Variants in CAPN13 observed in about 807,000 individuals in gnomAD.
The protein encoded by CAPN13 is calpain-13.
CAPN13 carries 90 observed loss-of-function variants against 98.4 expected under a neutral mutation model. The ratio of observed to expected loss-of-function variants is 0.92; its 90% CI spans 0.77 to 1.09. The LOEUF is 1.09. CAPN13 is among the 50% of genes least tolerant of loss of function. The pLI, the probability that CAPN13 is intolerant of heterozygous loss-of-function variation, is 0.00. For synonymous variants in CAPN13, 330 were observed against 305.5 expected, an observed-to-expected ratio of 1.08 and a Z score of -0.84; for missense variants, 887 against 841.3, an observed-to-expected ratio of 1.05 and a Z score of -0.67.
rs1157584218 is a variant in CAPN13, at chr2:30,743,384, T to G, written c.1444A>C (p.Arg482=). The G allele has an allele frequency of 6.2e-7, 1 of 1,612,476 alleles. No individual in the cohort carries two copies. Among genetic ancestry groups the G allele is most frequent in the Non-Finnish European group, 8.5e-7 (1 of 1,178,452 alleles). Residue 482 remains arginine, a splice_region_variant and synonymous_variant, in exon 13 of 23, where the codon AGG becomes CGG. Transcript: ENST00000295055. The part of the protein sequence containing the change: ...RIFLKMPDSD[R]HLSSHFNLRM... ...TTACAATCCCAGAGGGTTCTGTACC[T>G]GTCACTGTCTGGCATTTTCAGGAAG...
Position 30,763,105 on chromosome 2 carries a change from A to G in CAPN13, c.751T>C (p.Tyr251His). The change falls in exon 7 of 23, where the codon TAC becomes CAC. Residue 251 changes from tyrosine (Y) to histidine (H), a missense_variant. Tyr to His is a moderately conservative substitution (Grantham distance 83). Transcript: ENST00000295055. ...MENGLVSLHAYTVTGAEQIQY... is the reference protein window; with the variant it reads ...MENGLVSLHAHTVTGAEQIQY... The stretch of plus-strand genomic sequence containing the variant: ...ACCTGCTCAGCCCCAGTCACAGTGT[A>G]GGCATGGAGACTCACCAGCCCATTC... 6.2e-7 allele frequency: 1 copy of G among 1,610,998 alleles called. No homozygotes were observed. The highest frequency in any genetic ancestry group is 8.5e-7 in the Non-Finnish European group (1 of 1,178,756).
At chr2:30,744,957 G>A (rs1181206559) in intron 12 of CAPN13, among the ~76,000 whole-genome samples, 1 of 152,222 alleles carries the variant, frequency 6.6e-6, no homozygotes, top group Non-Finnish European at 1.5e-5. Flanking sequence ...TAGCTGGGAT[G>A]TCAGGGACCA....
intron 1 of CAPN13, among the ~76,000 whole-genome samples, chr2:30,801,125 G>A (rs1055242324): frequency 2.0e-5 from 3 of 152,144 alleles, no homozygotes; most frequent in African/African-American, 4.8e-5. Context: ...GTACTCCCCA[G>A]GCAGACCCTC....
intron 20 of CAPN13, among the ~76,000 whole-genome samples, chr2:30,731,864 G>A (rs1000960210): frequency 1.8e-4 from 28 of 152,204 alleles, no homozygotes; most frequent in Non-Finnish European, 2.6e-4. Flanking sequence ...CTTTGCAGCA[G>A]TGCCTCGTGG....
chr2:30,734,689 G>A (rs1451507605), intron 18 of CAPN13, among the ~76,000 whole-genome samples, 165 bp from the exon 19 acceptor site: 1 of 152,164 alleles, frequency 6.6e-6, no homozygotes, highest in Non-Finnish European at 1.5e-5. Context: ...GACCATCCTG[G>A]CTGCCCGCTG....
intron 2 of CAPN13, among the ~76,000 whole-genome samples, chr2:30,785,986 A>G (rs1222136470): frequency 1.3e-5 from 2 of 151,854 alleles, no homozygotes; most frequent in African/African-American, 4.8e-5. Context: ...CTGATCCCTA[A>G]CCCTTCCCTT....
intron 19 of CAPN13, among the ~76,000 whole-genome samples, chr2:30,733,869 A>G (rs912509595): frequency 6.6e-6 from 1 of 152,226 alleles, no homozygotes; most frequent in African/African-American, 2.4e-5. Flanking sequence ...AGTAGAGGTA[A>G]TGATTCCTGC....
chr2:30,785,288 T>C (rs978095905), intron 2 of CAPN13, among the ~76,000 whole-genome samples: 2 of 152,178 alleles, frequency 1.3e-5, no homozygotes, highest in African/African-American at 4.8e-5. Context: ...ATATTACCTG[T>C]CTGAACATCA....
chr2:30,796,181 T>TACACACAC, intron 1 of CAPN13, among the ~76,000 whole-genome samples: 1 of 146,226 alleles, frequency 6.8e-6, no homozygotes, highest in African/African-American at 2.6e-5. Context: ...TGTATATATA[T>TACACACAC]ATACATATAT....
chr2:30,728,029 C>T (rs768531124), intron 22 of CAPN13, among the ~76,000 whole-genome samples: 16 of 151,738 alleles, frequency 1.1e-4, no homozygotes, highest in South Asian at 2.1e-4. Flanking sequence ...GACAGCATTA[C>T]GCTAAGTGAA....
chr2:30,732,712 T>C, intron 19 of CAPN13, 146 bp from the exon 20 acceptor site: 2 of 1,131,184 alleles, frequency 1.8e-6, no homozygotes, highest in Non-Finnish European at 2.5e-6. Flanking sequence ...GTGTCTTCTC[T>C]TTCCTGTTGG....
chr2:30,794,398 A>G (rs1403921292), intron 1 of CAPN13, among the ~76,000 whole-genome samples: 3 of 151,932 alleles, frequency 2.0e-5, no homozygotes, highest in African/African-American at 7.2e-5. Flanking sequence ...AAGACTGATC[A>G]CACTGTTTAT....
rs746990212 is a variant in CAPN13, at chr2:30,764,318, T to G, written c.525-12A>C. The G allele has an allele frequency of 2.0e-5, 33 of 1,612,416 alleles. No homozygotes were observed. The highest frequency in any genetic ancestry group is 2.7e-5 in the Non-Finnish European group (32 of 1,179,370). On this transcript the variant is annotated splice_polypyrimidine_tract_variant and intron_variant, in intron 5 of 22. Transcript: ENST00000295055. ...AGGATCCGAGCAGCCTGGGAGGGAA[T>G]GGGGGATGAACCATCGTGGTGCCTT...
intron 1 of CAPN13, among the ~76,000 whole-genome samples, chr2:30,788,884 A>G (rs1033449243): frequency 2.6e-5 from 4 of 152,226 alleles, no homozygotes; most frequent in African/African-American, 9.6e-5. Context: ...CAAGATATGA[A>G]TAATTTACAT....
rs2148073543 is a variant in CAPN13 at position 30,787,169 on chromosome 2, G to A, written c.157C>T (p.Gln53Ter). The A allele has an allele frequency of 1.3e-6, 2 of 1,585,700 alleles. No individual in the cohort carries two copies. The highest frequency in any genetic ancestry group is 1.7e-6 in the Non-Finnish European group (2 of 1,165,588). ...ADSSIGQKLL[Q>*]EKRLSNVIWK... is the part of the protein sequence containing the mutation. ...ATCACATTGGAGAGGCGTTTTTCCT[G>A]GAGCAGCTTCTGGCCTATGGAAGAA... is the stretch of plus-strand genomic sequence containing the variant. Residue 53 changes from glutamine to a stop codon, truncating the protein, a stop_gained, in exon 2 of 23, where the codon CAG (glutamine) becomes TAG (stop). Transcript: ENST00000295055. LOFTEE classifies it high-confidence loss of function.
chr2:30,738,773 G>GT (rs1671509117), intron 15 of CAPN13, among the ~76,000 whole-genome samples: 1 of 152,150 alleles, frequency 6.6e-6, no homozygotes, highest in Admixed American at 6.5e-5. Flanking sequence ...ACCCCTCAGG[G>GT]TAAGTACTGT....
chr2:30,742,991 C>T (rs1671734560), intron 13 of CAPN13, among the ~76,000 whole-genome samples: 1 of 152,220 alleles, frequency 6.6e-6, no homozygotes, highest in Non-Finnish European at 1.5e-5. Context: ...AGCCACTTCC[C>T]TCCCGCCATT....
chr2:30,803,130 A>T (rs1675392562), intron 1 of CAPN13, among the ~76,000 whole-genome samples: 1 of 152,184 alleles, frequency 6.6e-6, no homozygotes, highest in African/African-American at 2.4e-5. Context: ...GCTTAATGGT[A>T]TATGTAGTTC....
chr2:30,804,420 C>T (rs1287546753), intron 1 of CAPN13, among the ~76,000 whole-genome samples: 1 of 152,176 alleles, frequency 6.6e-6, no homozygotes. Flanking sequence ...CCAGACTGGC[C>T]TCGAACTCCT....
Sources: allele counts gnomAD v4.1 joint callset (sites outside exome capture counted in the v4.1 genomes callset), GRCh38; gene constraint gnomAD v4.1.1; transcripts MANE v1.5; gene names NCBI Gene and HGNC (gene_info 2026-07-23, HGNC 2026-07-21).